The following CNBD1 variants were observed in gnomAD, a reference collection of about 807,000 sequenced individuals.
The protein encoded by CNBD1 is cyclic nucleotide binding domain containing 1.
Under a neutral mutation model 54.4 loss-of-function variants are expected in CNBD1, and 71 were observed. The observed-to-expected ratio is 1.30, with a 90% CI of 1.08 to 1.59. The LOEUF (loss-of-function observed/expected upper bound fraction) is 1.59, where lower values mean the gene tolerates loss of function less well. CNBD1 is among the 40% of genes most tolerant of loss of function. The pLI is 0.00. For synonymous variants in CNBD1, 182 were observed against 170.7 expected, an observed-to-expected ratio of 1.07 and a Z score of -0.51; for missense variants, 659 against 518.0, an observed-to-expected ratio of 1.27 and a Z score of -2.64.
At chr8:87,346,055 G>C (rs188666964) in intron 8 of CNBD1, among the ~76,000 whole-genome samples, 2 of 142,846 alleles carry the variant, frequency 1.4e-5, no homozygotes, top group Non-Finnish European at 3.0e-5. Context: ...TTTTTTTTGT[G>C]GGGGGGACAG....
chr8:87,031,876 G>T (rs1389365222), intron 4 of CNBD1, among the ~76,000 whole-genome samples: 1 of 152,122 alleles, frequency 6.6e-6, no homozygotes, highest in African/African-American at 2.4e-5. Context: ...GAGTAGCTGG[G>T]ATTACAGGCA....
At chr8:87,218,035 G>A (rs772466707) in intron 5 of CNBD1, among the ~76,000 whole-genome samples, 16 of 151,908 alleles carry the variant, frequency 1.1e-4, no homozygotes, top group Non-Finnish European at 2.2e-4. Flanking sequence ...TATTTTTAGA[G>A]GTAAAAAATT....
intron 4 of CNBD1, among the ~76,000 whole-genome samples, chr8:86,984,825 C>G (rs781367009): frequency 3.9e-5 from 6 of 152,156 alleles, no homozygotes; most frequent in Non-Finnish European, 8.8e-5. Flanking sequence ...GCAGAAGGGA[C>G]TTCCCTTGTC....
intron 3 of CNBD1, among the ~76,000 whole-genome samples, chr8:86,922,289 G>C (rs1266833335): frequency 6.6e-6 from 1 of 151,986 alleles, no homozygotes; most frequent in East Asian, 1.9e-4. Context: ...GGGAGTGATG[G>C]CTTGAGGTGG....
intron 4 of CNBD1, among the ~76,000 whole-genome samples, chr8:86,993,091 A>G (rs927194701): frequency 3.3e-5 from 5 of 152,056 alleles, no homozygotes; most frequent in African/African-American, 1.2e-4. Context: ...AGGAATGCCA[A>G]TGTGTTGTAG....
intron 10 of CNBD1, among the ~76,000 whole-genome samples, chr8:87,361,470 T>A (rs1810522702): frequency 6.6e-6 from 1 of 151,730 alleles, no homozygotes; most frequent in Non-Finnish European, 1.5e-5. Context: ...TGATATAGCT[T>A]ACCATTAATA....
At chr8:87,040,793 TATTTA>T (rs1810051425) in intron 4 of CNBD1, among the ~76,000 whole-genome samples, 1 of 151,208 alleles carries the variant, frequency 6.6e-6, no homozygotes, top group Non-Finnish European at 1.5e-5. Context: ...TTGAGTTGAA[TATTTA>T]ATTTATTTTT....
intron 1 of CNBD1, among the ~76,000 whole-genome samples, chr8:86,880,997 C>T (rs1808598816): frequency 6.6e-6 from 1 of 152,146 alleles, no homozygotes; most frequent in African/African-American, 2.4e-5. Context: ...TAAAAACTCT[C>T]AATAAACTAG....
rs112867940 is a variant in CNBD1 at position 87,098,733 on chromosome 8, TAAAAAA to T, written c.432-107249_432-107244del. 5.9e-4 allele frequency among the ~76,000 whole-genome samples: 82 copies of T among 139,382 alleles called. 1 individual carries two copies. Among genetic ancestry groups the T allele is most frequent in the Middle Eastern group, 3.8e-3 (1 of 264 alleles). The allele number at this position is 139,382 out of a possible 152,430, so 91.4% of individuals were successfully genotyped here. A position where few individuals can be genotyped will look rare whatever the true frequency, so the allele number is the denominator to read the frequency against. On this transcript the variant is annotated intron_variant, in intron 4 of 10. Coordinates refer to ENST00000518476, the MANE Select transcript of CNBD1 (RefSeq NM_173538.3). ...ACTTTTGGTTCTAGGAACATAGTAA[TAAAAAA>T]AAAAAAAAAACTCCTGGGCCAGGCG...
At chr8:87,352,705 G>A (rs1810330092) in intron 9 of CNBD1, among the ~76,000 whole-genome samples, 1 of 152,090 alleles carries the variant, frequency 6.6e-6, no homozygotes, top group Non-Finnish European at 1.5e-5. Flanking sequence ...CCATTTTTAT[G>A]AAGTTCTAGA....
intron 10 of CNBD1, among the ~76,000 whole-genome samples, chr8:87,365,279 A>G (rs1810619766): frequency 6.6e-6 from 1 of 151,814 alleles, no homozygotes; most frequent in Non-Finnish European, 1.5e-5. Context: ...GCTTTTTTTC[A>G]TATGCTTGTT....
In CNBD1 at chr8:87,363,383, A is replaced by G. The variant is rs571155581; in HGVS notation, c.1303+9597A>G. On this transcript the variant is annotated intron_variant, in intron 10 of 10. Transcript: ENST00000518476. ...TACCCAGTAATGGGATTGCTGGGTC[A>G]AATGATATTTCTGGTTATAGATCCT... 2.0e-5 allele frequency among the ~76,000 whole-genome samples: 3 copies of G among 152,188 alleles called. No individual in the cohort carries two copies. The South Asian group carries it at 6.2e-4, about 32-fold the overall frequency.
chr8:87,398,499 A>G (rs1031649175), intron 2 of CNBD1, among the ~76,000 whole-genome samples: 1 of 152,010 alleles, frequency 6.6e-6, no homozygotes, highest in Non-Finnish European at 1.5e-5. Flanking sequence ...CTGCATAAAA[A>G]TATACATTCT....
In CNBD1 at chr8:87,382,792, A is replaced by T; in HGVS notation, c.*165A>T. The T allele has an allele frequency of 2.2e-6, 1 of 455,152 alleles. No individual in the cohort carries two copies. The highest frequency in any genetic ancestry group is 3.8e-5 in the Admixed American group (1 of 26,444). The allele number at this position is 455,152 out of a possible 1,614,324, so 28.2% of individuals were successfully genotyped here. On this transcript the variant is annotated 3_prime_UTR_variant, in exon 11 of 11. Coordinates refer to ENST00000518476, the MANE Select transcript of CNBD1 (RefSeq NM_173538.3). ...CCCACTTTCGAATTGCCTTTCAAAC[A>T]CAGTTTTTATTAGCAGTCTTTCTTG... is the stretch of plus-strand genomic sequence containing the variant.
chr8:87,328,520 C>A (rs1168817468), intron 8 of CNBD1, among the ~76,000 whole-genome samples: 1 of 151,510 alleles, frequency 6.6e-6, no homozygotes, highest in Non-Finnish European at 1.5e-5. Flanking sequence ...TGTAGTTCTC[C>A]AATATGTTTT....
rs192309003 is a variant in CNBD1 at position 87,147,499 on chromosome 8, A to T, written c.432-58494A>T. On this transcript the variant is annotated intron_variant, in intron 4 of 10. Coordinates refer to ENST00000518476, the MANE Select transcript of CNBD1 (RefSeq NM_173538.3). ...ATTGATAATGGCTAGTGGTCTTATC[A>T]TCCAAGAATTTAAAATATATATATT... is the stretch of plus-strand genomic sequence containing the variant. Among the ~76,000 whole-genome samples the T allele has an allele frequency of 1.7e-3, 261 of 152,146 alleles. 2 individuals are homozygous for T. Among genetic ancestry groups the T allele is most frequent in the Non-Finnish European group, 7.4e-4 (50 of 67,960 alleles).
At chr8:86,940,132 C>CTTTTTCTT (rs1809626055) in intron 4 of CNBD1, among the ~76,000 whole-genome samples, 4 of 88,742 alleles carry the variant, frequency 4.5e-5, no homozygotes, top group Non-Finnish European at 8.1e-5. Flanking sequence ...CCACATGTTA[C>CTTTTTCTT]TTTTTTTTTT....
chr8:87,041,468 A>G (rs1332223712), intron 4 of CNBD1, among the ~76,000 whole-genome samples: 1 of 152,154 alleles, frequency 6.6e-6, no homozygotes, highest in Non-Finnish European at 1.5e-5. Context: ...GATGAGAGAT[A>G]AAAGGTGATT....
intron 3 of CNBD1, among the ~76,000 whole-genome samples, chr8:86,914,936 G>T (rs1341815994): frequency 6.6e-6 from 1 of 152,140 alleles, no homozygotes; most frequent in Non-Finnish European, 1.5e-5. Context: ...CCGCCCAATG[G>T]GTTCTTCTTG....
Sources: allele counts gnomAD v4.1 joint callset (sites outside exome capture counted in the v4.1 genomes callset), GRCh38; gene constraint gnomAD v4.1.1; transcripts MANE v1.5; gene names NCBI Gene and HGNC (gene_info 2026-07-23, HGNC 2026-07-21).